Variants in STAU2 observed in about 807,000 individuals in gnomAD.
The protein encoded by STAU2 is double-stranded RNA-binding protein Staufen homolog 2.
A neutral mutation model predicts 65.9 loss-of-function variants in STAU2; 20 were observed. The ratio of observed to expected loss-of-function variants is 0.30; its 90% CI spans 0.21 to 0.44. The LOEUF (loss-of-function observed/expected upper bound fraction) is 0.44, where lower values mean the gene tolerates loss of function less well. STAU2 is among the 20% of genes least tolerant of loss of function. STAU2 has a pLI of 1.00. For missense variants in STAU2, 558 were observed against 683.9 expected (o/e 0.82, Z 2.05); for synonymous variants, 232 against 233.9 (o/e 0.99, Z 0.07).
At chr8:73,438,601 C>T (rs916974059) in intron 13 of STAU2, among the ~76,000 whole-genome samples, 5 of 152,162 alleles carry the variant, frequency 3.3e-5, no homozygotes, top group African/African-American at 1.2e-4. Flanking sequence ...TGGGCCAAGC[C>T]CAGGGAGTGG....
intron 13 of STAU2, among the ~76,000 whole-genome samples, chr8:73,447,165 C>T (rs1203659767): frequency 2.0e-5 from 3 of 152,034 alleles, no homozygotes; most frequent in Non-Finnish European, 4.4e-5. Context: ...AGGCTGGTCT[C>T]GAACTCCTGA....
intron 3 of STAU2, among the ~76,000 whole-genome samples, chr8:73,712,638 G>A (rs1322113970): frequency 2.0e-5 from 3 of 152,094 alleles, no homozygotes; most frequent in Non-Finnish European, 4.4e-5. Flanking sequence ...ATTCTGTTAC[G>A]ATAAATTGAT....
chr8:73,613,547 A>G (rs1412781760), intron 9 of STAU2, among the ~76,000 whole-genome samples, 197 bp downstream of exon 9: 2 of 152,240 alleles, frequency 1.3e-5, no homozygotes, highest in African/African-American at 4.8e-5. Context: ...TGATTATTTG[A>G]TGTACAAATG....
Position 73,709,071 on chromosome 8 carries a change from C to T in STAU2, c.75G>A (p.Gln25=). 6.5e-7 allele frequency: 1 copy of T among 1,531,206 alleles called. No homozygotes were observed. Among genetic ancestry groups the T allele is most frequent in the Non-Finnish European group, 8.7e-7 (1 of 1,144,002 alleles). The allele number at this position is 1,531,206 out of a possible 1,614,324, so 94.9% of individuals were successfully genotyped here. The change falls in exon 4 of 15, where the codon CAG becomes CAA. Residue 25 remains glutamine, a synonymous_variant. Coordinates refer to ENST00000524300, the MANE Select transcript of STAU2 (RefSeq NM_001164380.2). ...ELARFNRVQP[Q]YKLLNERGPA... ...GCCCTCTTTCATTCAGAAGTTTATA[C>T]TGGGGTTGGACTCTATTGAAACGGG...
At chr8:73,728,604 T>C (rs1157785886) in intron 3 of STAU2, among the ~76,000 whole-genome samples, 2 of 152,190 alleles carry the variant, frequency 1.3e-5, no homozygotes, top group Non-Finnish European at 2.9e-5. Context: ...CTTATTTAGG[T>C]CTTCTTTATT....
intron 13 of STAU2, among the ~76,000 whole-genome samples, chr8:73,512,486 GTA>G (rs1822461397): frequency 4.6e-5 from 7 of 151,948 alleles, no homozygotes; most frequent in Admixed American, 4.6e-4. Flanking sequence ...TGATTCCTAA[GTA>G]TTTTATTCTT....
At chr8:73,649,862 T>C (rs542195985) in intron 6 of STAU2, among the ~76,000 whole-genome samples, 1 of 101,864 alleles carries the variant, frequency 9.8e-6, no homozygotes, top group African/African-American at 3.8e-5. Flanking sequence ...ATGTCTTCTA[T>C]ATAATTTTAT....
intron 12 of STAU2, among the ~76,000 whole-genome samples, chr8:73,576,536 T>C (rs1809570482): frequency 6.6e-6 from 1 of 151,998 alleles, no homozygotes; most frequent in African/African-American, 2.4e-5. Flanking sequence ...GGGGGAGGCA[T>C]AGCCAATGGG....
At chr8:73,672,530 T>A (rs1474909509) in intron 6 of STAU2, 1 of 152,200 alleles carries the variant, frequency 6.6e-6, no homozygotes, top group African/African-American at 2.4e-5. Context: ...TACATTTTAC[T>A]GTATGTCTAT....
chr8:73,448,342 G>A (rs1351768818), intron 13 of STAU2, among the ~76,000 whole-genome samples: 1 of 152,034 alleles, frequency 6.6e-6, no homozygotes, highest in Non-Finnish European at 1.5e-5. Flanking sequence ...AAAGTGCAGT[G>A]GTGCGATCTT....
chr8:73,687,356 TA>T lies in STAU2; in HGVS notation c.274+1297del, dbSNP rs1241992806. 6.9e-4 allele frequency among the ~76,000 whole-genome samples: 12 copies of T among 17,388 alleles called. No individual in the cohort carries two copies. The Admixed American group carries it at 8.0e-3, about 12-fold the overall frequency. The allele number at this position is 17,388 out of a possible 152,430, so 11.4% of individuals were successfully genotyped here. On this transcript the variant is annotated intron_variant, in intron 5 of 14. Transcript: ENST00000524300. ...ATATAATTTATATTTATAATTTATA[TA>T]ATATAAATATAATTTATAATTTATA...
intron 12 of STAU2, among the ~76,000 whole-genome samples, chr8:73,557,205 A>G (rs1446652296): frequency 6.6e-6 from 1 of 152,250 alleles, no homozygotes; most frequent in Non-Finnish European, 1.5e-5. Context: ...TCACAGCATA[A>G]GAACGTGGAG....
intron 13 of STAU2, chr8:73,439,006 G>A (rs1024187444): frequency 1.8e-5 from 8 of 456,596 alleles, no homozygotes; most frequent in East Asian, 6.9e-5. Context: ...CAACGTCTCC[G>A]TTTAGAAGAC....
intron 13 of STAU2, among the ~76,000 whole-genome samples, chr8:73,541,908 A>G (rs1281327934): frequency 6.6e-6 from 1 of 152,152 alleles, no homozygotes; most frequent in Non-Finnish European, 1.5e-5. Context: ...CCAAAAGACT[A>G]AAGAAAAATA....
At chr8:73,691,884 C>T (rs1819343307) in intron 4 of STAU2, among the ~76,000 whole-genome samples, 1 of 152,116 alleles carries the variant, frequency 6.6e-6, no homozygotes, top group African/African-American at 2.4e-5. Flanking sequence ...AATTTTTATT[C>T]TAATGAGCCA....
chr8:73,721,195 T>C (rs1449378446), intron 3 of STAU2, among the ~76,000 whole-genome samples: 2 of 131,998 alleles, frequency 1.5e-5, no homozygotes, highest in African/African-American at 5.9e-5. Flanking sequence ...GGAGCAGAAA[T>C]GGGAGGATTG....
chr8:73,538,326 T>C (rs1806315886), intron 13 of STAU2, among the ~76,000 whole-genome samples: 1 of 152,164 alleles, frequency 6.6e-6, no homozygotes, highest in Non-Finnish European at 1.5e-5. Flanking sequence ...AAAATCCCTT[T>C]TTAAGGGCCA....
At chr8:73,569,307 C>T (rs973911572) in intron 12 of STAU2, among the ~76,000 whole-genome samples, 10 of 152,216 alleles carry the variant, frequency 6.6e-5, no homozygotes, top group East Asian at 1.9e-4. Flanking sequence ...ACAAAGCAGC[C>T]GGGAAGCTCG....
At chr8:73,657,791 A>AGTTTGGTAGGCC (rs1373632273) in intron 6 of STAU2, among the ~76,000 whole-genome samples, 1 of 152,150 alleles carries the variant, frequency 6.6e-6, no homozygotes, top group Non-Finnish European at 1.5e-5. Flanking sequence ...AGGTAGGCAG[A>AGTTTGGTAGGCC]TCACCTGAGG....
Sources: allele counts gnomAD v4.1 joint callset (sites outside exome capture counted in the v4.1 genomes callset), GRCh38; gene constraint gnomAD v4.1.1; transcripts MANE v1.5; gene names NCBI Gene and HGNC (gene_info 2026-07-23, HGNC 2026-07-21).